SLC12A2: variants seen among roughly 807,000 people sequenced by gnomAD.
The protein encoded by SLC12A2 is Na-K-2Cl cotransporter 1.
A neutral mutation model predicts 136.3 loss-of-function variants in SLC12A2; 67 were observed. The observed-to-expected ratio is 0.49, with a 90% confidence interval of 0.40 to 0.60. The LOEUF (loss-of-function observed/expected upper bound fraction) is 0.60, where lower values mean the gene tolerates loss of function less well. Among genes scored for constraint, SLC12A2 ranks in the 20% least tolerant of loss-of-function variants. SLC12A2 has a pLI of 0.00. For synonymous variants in SLC12A2, 619 were observed against 562.9 expected (o/e 1.10, Z -1.41); for missense variants, 1,322 against 1,534.7 (o/e 0.86, Z 2.32).
At chr5:128,138,042 A>G (rs1215408966) in intron 7 of SLC12A2, among the ~76,000 whole-genome samples, 4 of 150,542 alleles carry the variant, frequency 2.7e-5, no homozygotes, top group African/African-American at 9.8e-5. Context: ...GGCTTAAATG[A>G]TTCTCTCACC....
chr5:128,178,361 G>A (rs1169396691), intron 21 of SLC12A2: 9 of 326,332 alleles, frequency 2.8e-5, no homozygotes, highest in Non-Finnish European at 4.4e-5. Context: ...TTTAGCTATT[G>A]TAAAGAGTTA....
intron 1 of SLC12A2, among the ~76,000 whole-genome samples, chr5:128,101,575 A>G (rs1361314138): frequency 6.6e-6 from 1 of 152,200 alleles, no homozygotes; most frequent in African/African-American, 2.4e-5. Context: ...TTTGTATGTT[A>G]ACAGTGCCCT....
chr5:128,095,744 C>T (rs1018351761), intron 1 of SLC12A2, among the ~76,000 whole-genome samples: 3 of 152,020 alleles, frequency 2.0e-5, no homozygotes, highest in African/African-American at 7.3e-5. Context: ...GTGGCCTAAG[C>T]CAATTCTTCC....
intron 20 of SLC12A2, 29 bp from the exon 21 acceptor site, chr5:128,177,074 CAT>C (rs1763562656): frequency 2.1e-6 from 3 of 1,414,154 alleles, no homozygotes; most frequent in African/African-American, 1.5e-5. Flanking sequence ...AGGCAATTAA[CAT>C]ATTTTTGTGT....
intron 1 of SLC12A2, among the ~76,000 whole-genome samples, chr5:128,086,027 T>C (rs1760088541): frequency 6.6e-6 from 1 of 152,202 alleles, no homozygotes; most frequent in African/African-American, 2.4e-5. Context: ...AACTCAAAAA[T>C]CATTGTAGAC....
rs571521443 is a variant in SLC12A2 at position 128,127,906 on chromosome 5, T to G, written c.1049-3161T>G. ...CTGTTTTTTCCATTTTAGATTTTATTTACTCTTTTTCCAGTTTCTGAAGTT... is the reference window on the plus strand; with the variant it reads ...CTGTTTTTTCCATTTTAGATTTTATGTACTCTTTTTCCAGTTTCTGAAGTT... On this transcript the variant is annotated intron_variant, in intron 4 of 26. Transcript: ENST00000262461. Among the ~76,000 whole-genome samples, 6 of 152,218 alleles carry G rather than the reference T, an allele frequency of 3.9e-5. No individual in the cohort carries two copies. The South Asian group carries it at 1.2e-3, about 32-fold the overall frequency.
intron 26 of SLC12A2, 144 bp downstream of exon 26, chr5:128,185,000 T>A (rs769283208): frequency 1.0e-5 from 7 of 672,328 alleles, no homozygotes; most frequent in Non-Finnish European, 1.8e-5. Context: ...AAAAATATAC[T>A]ATGCTTTAAG....
chr5:128,127,517 T>C (rs1338108557), intron 4 of SLC12A2, among the ~76,000 whole-genome samples: 1 of 152,134 alleles, frequency 6.6e-6, no homozygotes, highest in Non-Finnish European at 1.5e-5. Context: ...TGAAAGAGTT[T>C]GTGTAAAATT....
chr5:128,106,191 G>A (rs1416282420), intron 1 of SLC12A2, among the ~76,000 whole-genome samples: 3 of 152,082 alleles, frequency 2.0e-5, no homozygotes, highest in Non-Finnish European at 4.4e-5. Context: ...AAATATTTAT[G>A]TTGCCAATTT....
intron 10 of SLC12A2, among the ~76,000 whole-genome samples, chr5:128,145,263 T>A (rs1762494320): frequency 6.6e-6 from 1 of 152,138 alleles, no homozygotes. Flanking sequence ...TTTGCCTTAC[T>A]CCTACAATGC....
At chr5:128,103,101 A>T (rs1219600724) in intron 1 of SLC12A2, among the ~76,000 whole-genome samples, 1 of 152,246 alleles carries the variant, frequency 6.6e-6, no homozygotes, top group African/African-American at 2.4e-5. Context: ...CTCTAAGGAT[A>T]TGCTGAGGAG....
At chr5:128,184,676 T>A in intron 25 of SLC12A2, 113 bp from the exon 26 acceptor site, 1 of 1,542,914 alleles carries the variant, frequency 6.5e-7, no homozygotes, top group East Asian at 2.3e-5. Flanking sequence ...GAACAGATAT[T>A]TTTATTACAC....
chr5:128,171,630 T>TC (rs773203800), intron 18 of SLC12A2, 37 bp from the exon 19 acceptor site: 2 of 1,370,898 alleles, frequency 1.5e-6, no homozygotes, highest in East Asian at 4.7e-5. Flanking sequence ...TGTGATTTTT[T>TC]TTTTGGTTTT....
At chr5:128,160,428 A>G (rs1763001970) in intron 16 of SLC12A2, among the ~76,000 whole-genome samples, 1 of 152,112 alleles carries the variant, frequency 6.6e-6, no homozygotes, top group South Asian at 2.1e-4. Context: ...ACTTGGGAAC[A>G]TTTACTTACC....
intron 16 of SLC12A2, among the ~76,000 whole-genome samples, chr5:128,158,813 C>T (rs1384067345): frequency 6.6e-6 from 1 of 151,698 alleles, no homozygotes; most frequent in Non-Finnish European, 1.5e-5. Flanking sequence ...TTTACATTCC[C>T]ACCAGCAGTG....
intron 4 of SLC12A2, among the ~76,000 whole-genome samples, chr5:128,117,050 C>T (rs1761376618): frequency 6.6e-6 from 1 of 152,084 alleles, no homozygotes; most frequent in Admixed American, 6.6e-5. Context: ...TTAGTTTTTT[C>T]CATTAAAGTG....
rs139982710 is a variant in SLC12A2, at chr5:128,093,888, C to G, written c.756+9178C>G. Among the ~76,000 whole-genome samples the G allele has an allele frequency of 1.8e-4, 27 of 152,220 alleles. No individual in the cohort carries two copies. The East Asian group carries it at 5.0e-3, about 28-fold the overall frequency. On this transcript the variant is annotated intron_variant, in intron 1 of 26. Transcript: ENST00000262461. ...TGTTGCCCAATGCTCCCTGCATTGT[C>G]TATTTCTGGTTTGCCTCTTCTTCAG...
At chr5:128,183,565 G>A (rs1763776041) in intron 24 of SLC12A2, among the ~76,000 whole-genome samples, 1 of 151,446 alleles carries the variant, frequency 6.6e-6, no homozygotes, top group African/African-American at 2.4e-5. Flanking sequence ...ATTTGATACT[G>A]AAAAATATTT....
At chr5:128,105,834 T>C (rs548533775) in intron 1 of SLC12A2, among the ~76,000 whole-genome samples, 1 of 152,316 alleles carries the variant, frequency 6.6e-6, no homozygotes, top group East Asian at 1.9e-4. Flanking sequence ...TCTGTTTTTC[T>C]TTTCATCTGT....
Sources: allele counts gnomAD v4.1 joint callset (sites outside exome capture counted in the v4.1 genomes callset), GRCh38; gene constraint gnomAD v4.1.1; transcripts MANE v1.5; gene names NCBI Gene and HGNC (gene_info 2026-07-23, HGNC 2026-07-21).